CCSER2: variants seen among roughly 807,000 people sequenced by gnomAD.
The protein encoded by CCSER2 is serine-rich coiled-coil domain-containing protein 2.
CCSER2 carries 46 observed loss-of-function variants against 92.3 expected under a neutral mutation model. The observed-to-expected ratio is 0.50, with a 90% CI of 0.39 to 0.64. The LOEUF is 0.64. Ranked by LOEUF, CCSER2 falls within the 30% of genes least tolerant of loss-of-function variation. The probability of loss-of-function intolerance (pLI) is 0.00; values close to 1 mark genes in which losing one functional copy is unlikely to be tolerated. For missense variants in CCSER2, 1,244 were observed against 1,238.9 expected, an observed-to-expected ratio of 1.00 and a Z score of -0.06; for synonymous variants, 433 against 431.4, an observed-to-expected ratio of 1.00 and a Z score of -0.04.
intron 5 of CCSER2, among the ~76,000 whole-genome samples, chr10:84,437,148 C>CAGAG (rs761029705): frequency 7.0e-6 from 1 of 143,276 alleles, no homozygotes; most frequent in Non-Finnish European, 1.5e-5. Context: ...CACACACACA[C>CAGAG]ACAGAGAGAG....
At chr10:84,375,509 G>A (rs936180073) in intron 3 of CCSER2, among the ~76,000 whole-genome samples, 5 of 148,298 alleles carry the variant, frequency 3.4e-5, no homozygotes, top group South Asian at 2.1e-4. Flanking sequence ...AATTTTAGGC[G>A]TGTACCTGTT....
At chr10:84,418,865 C>T (rs1843001025) in intron 4 of CCSER2, among the ~76,000 whole-genome samples, 1 of 152,132 alleles carries the variant, frequency 6.6e-6, no homozygotes, top group Admixed American at 6.6e-5. Flanking sequence ...GAAGCTCAGG[C>T]TATGGGACTA....
chr10:84,466,429 T>A (rs1846432876), intron 7 of CCSER2, among the ~76,000 whole-genome samples: 1 of 152,178 alleles, frequency 6.6e-6, no homozygotes, highest in African/African-American at 2.4e-5. Flanking sequence ...TCTCAACCTC[T>A]GCAGGTAGCC....
At chr10:84,348,317 C>T (rs1031003197) in intron 1 of CCSER2, among the ~76,000 whole-genome samples, 1 of 152,236 alleles carries the variant, frequency 6.6e-6, no homozygotes, top group African/African-American at 2.4e-5. Context: ...TCAGGCGTGG[C>T]GGCACGCGCC....
intron 3 of CCSER2, among the ~76,000 whole-genome samples, chr10:84,375,184 C>T (rs868855166): frequency 1.2e-4 from 18 of 152,282 alleles, no homozygotes; most frequent in Middle Eastern, 3.4e-3. Context: ...GTTCCTGTAA[C>T]TAATCACAAA....
chr10:84,512,311 C>A (rs902129046), intron 9 of CCSER2, among the ~76,000 whole-genome samples: 4 of 149,946 alleles, frequency 2.7e-5, no homozygotes, highest in African/African-American at 7.3e-5. Context: ...CTCTGAATTT[C>A]ATGTTGTAAA....
In CCSER2 at chr10:84,436,365, G is replaced by T. The variant is rs570938081; in HGVS notation, c.1869-2147G>T. Among the ~76,000 whole-genome samples the T allele has an allele frequency of 2.5e-3, 329 of 133,564 alleles. 3 individuals carry two copies. The highest frequency in any genetic ancestry group is 8.5e-3 in the African/African-American group (314 of 36,912). The allele number at this position is 133,564 out of a possible 152,430, so 87.6% of individuals were successfully genotyped here. ...AAAAAAAAAAAAAATGCCGGGCGCG[G>T]TGTCTCAAGCCTGTCATCCCAGCAC... is the stretch of plus-strand genomic sequence containing the variant. On this transcript the variant is annotated intron_variant, in intron 5 of 9. Transcript: ENST00000372088.
chr10:84,483,276 C>T (rs751489572), intron 9 of CCSER2, among the ~76,000 whole-genome samples: 9 of 151,690 alleles, frequency 5.9e-5, no homozygotes, highest in Non-Finnish European at 8.8e-5. Context: ...GCCAATAATC[C>T]GAGCTACTCG....
chr10:84,469,572 T>C (rs1846653791), intron 7 of CCSER2, among the ~76,000 whole-genome samples: 1 of 152,162 alleles, frequency 6.6e-6, no homozygotes. Context: ...TGTTTTTCTC[T>C]CTGGAAAGAT....
rs537881663 is a variant in CCSER2, at chr10:84,343,507, G to A, written c.-40+14699G>A. ...AGGAAATGCATTTTGGTTATAGCCA[G>A]TAGGAACGCCAAACACAAAATATAG... On this transcript the variant is annotated intron_variant, in intron 1 of 9. Coordinates refer to ENST00000372088, the MANE Select transcript of CCSER2 (RefSeq NM_001284240.2). 2.0e-4 allele frequency among the ~76,000 whole-genome samples: 30 copies of A among 152,324 alleles called. 2 individuals carry two copies. Among genetic ancestry groups the A allele is most frequent in the Middle Eastern group, 3.4e-3 (1 of 294 alleles).
intron 3 of CCSER2, among the ~76,000 whole-genome samples, chr10:84,392,802 A>G (rs377682879): frequency 6.6e-6 from 1 of 152,204 alleles, no homozygotes; most frequent in East Asian, 1.9e-4. Flanking sequence ...GGTATATCAA[A>G]CTAAAGATGA....
In CCSER2 at chr10:84,438,706, A is replaced by T; in HGVS notation, c.2063A>T (p.Gln688Leu). 2 of 1,581,464 alleles carry T rather than the reference A, an allele frequency of 1.3e-6. No individual in the cohort carries two copies. Among genetic ancestry groups the T allele is most frequent in the Non-Finnish European group, 1.7e-6 (2 of 1,160,014 alleles). The part of the protein sequence containing the change: ...QLLKLKRLLH[Q>L]HDGSGSLHDI... Reference sequence around the variant, plus strand: ...CTCAAACTGAAACGTCTCCTGCATCAGGTGAGTACATAATGAACATTTCCA... The same window carrying T: ...CTCAAACTGAAACGTCTCCTGCATCTGGTGAGTACATAATGAACATTTCCA... Residue 688 changes from glutamine (Q) to leucine (L), a missense_variant and splice_region_variant, in exon 6 of 10, where the codon CAG becomes CTG. Physicochemically the swap from Gln to Leu is moderately radical, Grantham distance 113. Transcript: ENST00000372088.
chr10:84,464,035 G>C lies in CCSER2; in HGVS notation c.2148+19G>C. ...ATATAAGGTATGACTATGTAGTCAT[G>C]CTGGATTTTTCAAAATTCTTTTTAA... On this transcript the variant is annotated intron_variant, in intron 7 of 9. Transcript: ENST00000372088. 1.4e-6 allele frequency: 2 copies of C among 1,410,822 alleles called. No homozygotes were observed. The highest frequency in any genetic ancestry group is 2.3e-5 in the East Asian group (1 of 42,974). The allele number at this position is 1,410,822 out of a possible 1,614,324, so 87.4% of individuals were successfully genotyped here. A position where few individuals can be genotyped will look rare whatever the true frequency, so the allele number is the denominator to read the frequency against.
At chr10:84,496,946 C>T (rs1040704520) in intron 9 of CCSER2, among the ~76,000 whole-genome samples, 1 of 152,208 alleles carries the variant, frequency 6.6e-6, no homozygotes, top group African/African-American at 2.4e-5. Flanking sequence ...AGTATGTCTA[C>T]TCCATCTTTT....
At position 84,513,513 on chromosome 10, in the gene CCSER2, T is replaced by G. The variant is rs749089028; in HGVS notation, c.2390T>G (p.Ile797Arg). ...RPTDHTQGKLIKPQRIEARSE... is the reference protein window; with the variant it reads ...RPTDHTQGKLRKPQRIEARSE... ...ACAGATCACACCCAGGGAAAACTAATAAAGCCACAACGTATCGAGGCCCGC... is the reference window on the plus strand; with the variant it reads ...ACAGATCACACCCAGGGAAAACTAAGAAAGCCACAACGTATCGAGGCCCGC... The change falls in exon 10 of 10, where the codon ATA (isoleucine) becomes AGA (arginine). Residue 797 changes from isoleucine (I) to arginine (R), a missense_variant. By Grantham distance (97) the Ile-to-Arg change is moderately conservative. Transcript: ENST00000372088. The G allele has an allele frequency of 3.1e-6, 5 of 1,614,066 alleles. No homozygotes were observed.
At chr10:84,337,645 G>A (rs1843912486) in intron 1 of CCSER2, among the ~76,000 whole-genome samples, 1 of 152,284 alleles carries the variant, frequency 6.6e-6, no homozygotes, top group South Asian at 2.1e-4. Context: ...TTTAAAAGAT[G>A]GATGCTCTTC....
intron 3 of CCSER2, among the ~76,000 whole-genome samples, chr10:84,406,650 C>T (rs1432921738): frequency 6.6e-6 from 1 of 152,148 alleles, no homozygotes; most frequent in Non-Finnish European, 1.5e-5. Flanking sequence ...TTTTCATTGT[C>T]ATACTCCCAA....
At chr10:84,417,737 A>G in intron 3 of CCSER2, 34 bp from the exon 4 acceptor site, 2 of 998,876 alleles carry the variant, frequency 2.0e-6, no homozygotes, top group Non-Finnish European at 3.2e-6. Flanking sequence ...TTAGAGCTAG[A>G]TTATGGTATA....
chr10:84,404,069 A>G (rs932609278), intron 3 of CCSER2, among the ~76,000 whole-genome samples: 1 of 152,218 alleles, frequency 6.6e-6, no homozygotes, highest in African/African-American at 2.4e-5. Context: ...ACAAGGGAGT[A>G]AGACTAGCTT....
Sources: gnomAD v4.1 joint callset for allele counts (sites outside exome capture counted in the v4.1 genomes callset) on GRCh38, gnomAD v4.1.1 for gene constraint, MANE v1.5 for transcripts, NCBI Gene and HGNC (gene_info 2026-07-23, HGNC 2026-07-21) for gene names.